ARHGAP44: variants seen among roughly 807,000 people sequenced by gnomAD.
ARHGAP44 encodes rho GTPase-activating protein 44.
ARHGAP44 carries 43 observed loss-of-function variants against 106.8 expected under a neutral mutation model. The observed-to-expected ratio is 0.40, with a 90% CI of 0.32 to 0.52. ARHGAP44 has a LOEUF of 0.52. Ranked by LOEUF, ARHGAP44 falls within the 20% of genes least tolerant of loss-of-function variation. The pLI, the probability that ARHGAP44 is intolerant of heterozygous loss-of-function variation, is 0.48. For synonymous variants in ARHGAP44, 439 were observed against 410.3 expected (o/e 1.07, Z -0.85); for missense variants, 866 against 1,050.5 (o/e 0.82, Z 2.43).
chr17:12,843,079 A>G (rs1029013707), intron 1 of ARHGAP44, among the ~76,000 whole-genome samples: 2 of 151,688 alleles, frequency 1.3e-5, no homozygotes, highest in African/African-American at 4.8e-5. Context: ...ATTGTCAGCA[A>G]CGGCCTATGG....
intron 1 of ARHGAP44, among the ~76,000 whole-genome samples, chr17:12,832,445 G>T (rs1315461250): frequency 2.6e-5 from 4 of 152,104 alleles, no homozygotes; most frequent in Non-Finnish European, 4.4e-5. Context: ...ATCTGTAGGA[G>T]CAACTGGGGA....
chr17:12,946,465 G>C, intron 10 of ARHGAP44, among the ~76,000 whole-genome samples: 1 of 143,624 alleles, frequency 7.0e-6, no homozygotes, highest in Non-Finnish European at 1.5e-5. Context: ...GGGCAACATA[G>C]TGAGATGCTC....
In ARHGAP44 at chr17:12,979,909, G is replaced by A. The variant is rs1309488227; in HGVS notation, c.1764-149G>A. 7.6e-6 allele frequency: 6 copies of A among 784,988 alleles called. No individual in the cohort carries two copies. In the Admixed American group the frequency reaches 1.6e-4, roughly 20 times the overall value. The allele number at this position is 784,988 out of a possible 1,614,324, so 48.6% of individuals were successfully genotyped here. A position where few individuals can be genotyped will look rare whatever the true frequency, so the allele number is the denominator to read the frequency against. The stretch of plus-strand genomic sequence containing the variant: ...GGCAGTCACCCCAAGGGGCACCTGC[G>A]AAGGTTTTAGGAAGGGGCCAAGACA... On this transcript the variant is annotated intron_variant, in intron 18 of 20. Coordinates refer to ENST00000379672, the MANE Select transcript of ARHGAP44 (RefSeq NM_014859.6).
chr17:12,968,602 A>G (rs1374256195), intron 16 of ARHGAP44, among the ~76,000 whole-genome samples: 1 of 148,998 alleles, frequency 6.7e-6, no homozygotes. Context: ...GTAGCATTTT[A>G]GCAAGCCCCT....
At chr17:12,827,991 C>A (rs78473499) in intron 1 of ARHGAP44, among the ~76,000 whole-genome samples, 7 of 135,404 alleles carry the variant, frequency 5.2e-5, no homozygotes, top group Non-Finnish European at 1.1e-4. Context: ...GAGCTGAGAT[C>A]GTGCCACTGC....
At chr17:12,944,317 A>T in intron 10 of ARHGAP44, 121 bp downstream of exon 10, 1 of 1,312,968 alleles carries the variant, frequency 7.6e-7, no homozygotes, top group Non-Finnish European at 1.0e-6. Context: ...AAATGGCTTA[A>T]GACAGTGGCT....
intron 20 of ARHGAP44, chr17:12,987,046 T>C: frequency 1.5e-6 from 2 of 1,334,552 alleles, no homozygotes; most frequent in Admixed American, 2.5e-5. Context: ...TTTGTGACGT[T>C]CATGTTTTGT....
intron 3 of ARHGAP44, among the ~76,000 whole-genome samples, chr17:12,908,381 G>A (rs1047600910): frequency 6.6e-6 from 1 of 151,866 alleles, no homozygotes; most frequent in African/African-American, 2.4e-5. Context: ...GTTATTAGTA[G>A]AGACGGGCTT....
intron 1 of ARHGAP44, among the ~76,000 whole-genome samples, chr17:12,794,424 C>A (rs530377375): frequency 6.6e-6 from 1 of 152,238 alleles, no homozygotes; most frequent in East Asian, 1.9e-4. Flanking sequence ...ACTGAACACC[C>A]ATTCAAGTCT....
intron 1 of ARHGAP44, among the ~76,000 whole-genome samples, chr17:12,823,111 A>T (rs1481243410): frequency 6.6e-6 from 1 of 152,164 alleles, no homozygotes; most frequent in Non-Finnish European, 1.5e-5. Context: ...TTGGGAGGAC[A>T]TGATTGTCCT....
chr17:12,921,449 A>T (rs1284739350), intron 6 of ARHGAP44, among the ~76,000 whole-genome samples: 1 of 152,104 alleles, frequency 6.6e-6, no homozygotes, highest in African/African-American at 2.4e-5. Context: ...GGGCTCAAGC[A>T]ATCCTTCTGC....
At chr17:12,872,769 C>G (rs2036440139) in intron 1 of ARHGAP44, among the ~76,000 whole-genome samples, 1 of 151,866 alleles carries the variant, frequency 6.6e-6, no homozygotes, top group South Asian at 2.1e-4. Context: ...ATCTGTATCT[C>G]TTTTTTTTCT....
chr17:12,987,484 T>C, intron 20 of ARHGAP44: 1 of 225,748 alleles, frequency 4.4e-6, no homozygotes, highest in Non-Finnish European at 8.8e-6. Flanking sequence ...CTGTAACAGA[T>C]CTGTTCTTCG....
At chr17:12,800,798 C>T (rs565064841) in intron 1 of ARHGAP44, among the ~76,000 whole-genome samples, 2 of 152,194 alleles carry the variant, frequency 1.3e-5, no homozygotes, top group Non-Finnish European at 2.9e-5. Context: ...GAACCAGGGC[C>T]TAAGTAGGTC....
chr17:12,986,896 G>A (rs1362566718), intron 20 of ARHGAP44: 3 of 569,488 alleles, frequency 5.3e-6, no homozygotes, highest in African/African-American at 1.9e-5. Context: ...CGCCCTGTGC[G>A]GACCCTATTT....
At chr17:12,903,690 C>A (rs963467826) in intron 3 of ARHGAP44, among the ~76,000 whole-genome samples, 29 of 152,068 alleles carry the variant, frequency 1.9e-4, no homozygotes, top group Admixed American at 1.5e-3. Context: ...TTTTGGTGCA[C>A]CCATCACCTG....
intron 1 of ARHGAP44, among the ~76,000 whole-genome samples, chr17:12,839,539 A>G (rs1330465935): frequency 6.6e-6 from 1 of 152,160 alleles, no homozygotes; most frequent in African/African-American, 2.4e-5. Flanking sequence ...GATACCTTTT[A>G]TGATTTCCAC....
intron 1 of ARHGAP44, among the ~76,000 whole-genome samples, chr17:12,804,218 GTCCT>G (rs2034205261): frequency 6.6e-6 from 1 of 152,202 alleles, no homozygotes; most frequent in Non-Finnish European, 1.5e-5. Context: ...AGCCCAAGTG[GTCCT>G]GATCATGGAA....
At chr17:12,973,627 C>T in intron 17 of ARHGAP44, 1 of 513,522 alleles carries the variant, frequency 1.9e-6, no homozygotes, top group Non-Finnish European at 3.4e-6. Context: ...ATTTAGATGT[C>T]TCCTGCTGTC....
Sources: gnomAD v4.1 joint callset for allele counts (sites outside exome capture counted in the v4.1 genomes callset) on GRCh38, gnomAD v4.1.1 for gene constraint, MANE v1.5 for transcripts, NCBI Gene and HGNC (gene_info 2026-07-23, HGNC 2026-07-21) for gene names.